MATK: variants seen among roughly 807,000 people sequenced by gnomAD.
The protein encoded by MATK is megakaryocyte-associated tyrosine-protein kinase.
Under a neutral mutation model 59.8 loss-of-function variants are expected in MATK, and 41 were observed. The ratio of observed to expected loss-of-function variants is 0.69; its 90% CI spans 0.53 to 0.89. The LOEUF (loss-of-function observed/expected upper bound fraction) is 0.89, where lower values mean the gene tolerates loss of function less well. MATK is among the 40% of genes least tolerant of loss of function. The pLI is 0.00. For synonymous variants in MATK, 308 were observed against 306.1 expected (o/e 1.01, Z -0.06); for missense variants, 593 against 719.6 (o/e 0.82, Z 2.01).
intron 7 of MATK, 95 bp downstream of exon 7, chr19:3,783,031 A>T: frequency 9.1e-7 from 1 of 1,103,736 alleles, no homozygotes; most frequent in South Asian, 1.3e-5. Flanking sequence ...GGCTTGGGTG[A>T]TCTGGCCTCA....
upstream of MATK, among the ~76,000 whole-genome samples, chr19:3,786,610 G>A (rs2037489508): frequency 6.6e-6 from 1 of 151,456 alleles, no homozygotes; most frequent in South Asian, 2.1e-4. This position sits in a 1 kb window ranked among gnomAD's most constrained non-coding sequence, Gnocchi z 4.1. Flanking sequence ...GGGGGTGAGG[G>A]AGAGTGAGCT....
At chr19:3,783,022 G>C in intron 7 of MATK, 104 bp downstream of exon 7, 4 of 1,010,124 alleles carry the variant, frequency 4.0e-6, no homozygotes, top group South Asian at 1.4e-5. Context: ...ATGGAGACAG[G>C]CTTGGGTGAT....
Position 3,784,435 on chromosome 19 carries a change from C to T in MATK, c.149G>A (p.Gly50Asp). 6.3e-7 allele frequency: 1 copy of T among 1,598,360 alleles called. No individual in the cohort carries two copies. Among genetic ancestry groups the T allele is most frequent in the Non-Finnish European group, 8.5e-7 (1 of 1,175,410 alleles). The stretch of plus-strand genomic sequence containing the variant: ...CTCGCATTTGGTGATACACTGGGTG[C>T]CCGGGGCCCAGCGCCTCTGCAGAGG... Reference protein sequence around the residue: ...ARMPTRRWAPGTQCITKCEHT... With the variant: ...ARMPTRRWAPDTQCITKCEHT... The change falls in exon 4 of 14, where the codon GGC becomes GAC. Residue 50 changes from glycine to aspartate, a missense_variant. By Grantham distance (94) the Gly-to-Asp change is moderately conservative. Coordinates refer to ENST00000310132, the MANE Select transcript of MATK (RefSeq NM_139355.3).
chr19:3,778,482 C>G (rs1315494770), intron 13 of MATK, 27 bp downstream of exon 13: 1 of 1,613,834 alleles, frequency 6.2e-7, no homozygotes, highest in Non-Finnish European at 8.5e-7. Flanking sequence ...GCCCGGAACC[C>G]AGTGCCTCCC....
chr19:3,783,020 A>G, intron 7 of MATK, 106 bp downstream of exon 7: 1 of 977,394 alleles, frequency 1.0e-6, no homozygotes, highest in Non-Finnish European at 1.6e-6. Context: ...GCATGGAGAC[A>G]GGCTTGGGTG....
upstream of MATK, among the ~76,000 whole-genome samples, chr19:3,789,633 T>C (rs1403032679): frequency 1.3e-5 from 2 of 151,470 alleles, no homozygotes; most frequent in Admixed American, 1.3e-4. Flanking sequence ...TCTAGGGGGA[T>C]AGATTTGAGC....
intron 11 of MATK, 61 bp downstream of exon 11, chr19:3,779,317 G>A (rs2037363725): frequency 6.3e-7 from 1 of 1,593,124 alleles, no homozygotes; most frequent in Non-Finnish European, 8.6e-7. Flanking sequence ...TCCCCTTGAT[G>A]GATCTTGGAA....
upstream of MATK, among the ~76,000 whole-genome samples, chr19:3,786,741 G>A (rs1439991285): frequency 1.3e-5 from 2 of 152,048 alleles, no homozygotes; most frequent in African/African-American, 4.8e-5. This position sits in a 1 kb window ranked among gnomAD's most constrained non-coding sequence, Gnocchi z 4.1. Context: ...AGGGCTATTG[G>A]TGGTTGACAA....
Position 3,785,378 on chromosome 19 carries a change from G to C in MATK, c.-151-92C>G, listed in dbSNP as rs984721697. 6.8e-6 allele frequency: 6 copies of C among 876,818 alleles called. No individual in the cohort carries two copies. The African/African-American group carries it at 1.0e-4, about 15-fold the overall frequency. 54.3% of individuals were successfully genotyped at this position (876,818 alleles called of 1,614,324 possible). A position where few individuals can be genotyped will look rare whatever the true frequency, so the allele number is the denominator to read the frequency against. ...ACCGTGGGGTGGAGCTGGGGGCAGGGGCGGGTCCTGTAGCCCTGCTGGGCT... is the reference window on the plus strand; with the variant it reads ...ACCGTGGGGTGGAGCTGGGGGCAGGCGCGGGTCCTGTAGCCCTGCTGGGCT... On this transcript the variant is annotated intron_variant, in intron 1 of 13. Coordinates refer to ENST00000310132, the MANE Select transcript of MATK (RefSeq NM_139355.3).
chr19:3,788,096 AT>A (rs57248510), upstream of MATK, among the ~76,000 whole-genome samples: 5,762 of 120,842 alleles, frequency 0.048, 260 homozygotes, highest in East Asian at 0.24. Flanking sequence ...TATTATTAAT[AT>A]TTATATTATA....
Position 3,783,943 on chromosome 19 carries a change from G to C in MATK, c.453C>G (p.Arg151=). The C allele has an allele frequency of 1.2e-6, 2 of 1,612,576 alleles. No homozygotes were observed. Among genetic ancestry groups the C allele is most frequent in the Non-Finnish European group, 1.7e-6 (2 of 1,179,762 alleles). The change falls in exon 6 of 14, where the codon CGC becomes CGG. Residue 151 remains arginine, a synonymous_variant. Transcript: ENST00000310132. ...DGLFLVRESA[R]HPGDYVLCVS... Reference sequence around the variant, plus strand: ...CGCACAGGACGTAGTCGCCGGGGTGGCGCGCGGACTCCCGCACCAGGAACA... The same window carrying C: ...CGCACAGGACGTAGTCGCCGGGGTGCCGCGCGGACTCCCGCACCAGGAACA...
At chr19:3,781,423 CTCA>C (rs2037400167) in intron 8 of MATK, among the ~76,000 whole-genome samples, 181 bp downstream of exon 8, 1 of 152,184 alleles carries the variant, frequency 6.6e-6, no homozygotes. Context: ...TCACTTACTC[CTCA>C]TGACAGCTGC....
At chr19:3,778,887 G>A in intron 12 of MATK, 105 bp downstream of exon 12, 2 of 1,175,666 alleles carry the variant, frequency 1.7e-6, no homozygotes, top group South Asian at 3.2e-5. Context: ...GGGAGGCATA[G>A]CCATTGCCCT....
At chr19:3,786,867 C>A (rs191491865), upstream of MATK, among the ~76,000 whole-genome samples, 73 of 152,288 alleles carry the variant, frequency 4.8e-4, no homozygotes, top group Admixed American at 4.0e-3. The surrounding 1 kb of genome is among the most constrained non-coding windows in gnomAD (Gnocchi z 4.1). Flanking sequence ...ATGCAAACTT[C>A]TTAGAGCTGC....
chr19:3,779,182 A>G lies in MATK; in HGVS notation c.1007T>C (p.Val336Ala), dbSNP rs1229084484. 23 of 1,587,526 alleles carry G rather than the reference A, an allele frequency of 1.4e-5. No individual in the cohort carries two copies. The highest frequency in any genetic ancestry group is 1.8e-5 in the Non-Finnish European group (21 of 1,166,094). The change falls in exon 12 of 14, where the codon GTG (valine) becomes GCG (alanine). Residue 336 changes from valine (V) to alanine (A), a missense_variant. Physicochemically the swap from Val to Ala is moderately conservative, Grantham distance 64. Transcript: ENST00000310132. ...TAQLLQFSLHVAEGMEYLESK... is the reference protein window; with the variant it reads ...TAQLLQFSLHAAEGMEYLESK... ...CTCCAGGTACTCCATGCCCTCGGCC[A>G]CGTGCCTGGGGGTAGTAGGGGGCAG...
At chr19:3,801,150 G>A (rs2145120473) in intron 1 of MATK, among the ~76,000 whole-genome samples, 2 of 152,288 alleles carry the variant, frequency 1.3e-5, no homozygotes, top group South Asian at 4.2e-4. Flanking sequence ...GCTTCCTAAT[G>A]CATTTCGTTT....
chr19:3,793,108 G>C (rs1335058018), intron 1 of MATK: 3 of 152,240 alleles, frequency 2.0e-5, no homozygotes, highest in Non-Finnish European at 2.9e-5. Flanking sequence ...GGCCATTCTC[G>C]ATTCCTTGAA....
At chr19:3,786,674 C>G (rs2037490077), upstream of MATK, among the ~76,000 whole-genome samples, 1 of 151,964 alleles carries the variant, frequency 6.6e-6, no homozygotes, top group African/African-American at 2.4e-5. The surrounding 1 kb of genome is among the most constrained non-coding windows in gnomAD (Gnocchi z 4.1). Context: ...GAGGACACTT[C>G]GTACTCTGCA....
intron 1 of MATK, among the ~76,000 whole-genome samples, chr19:3,797,519 C>A (rs2037607240): frequency 6.6e-6 from 1 of 151,814 alleles, no homozygotes; most frequent in Admixed American, 6.6e-5. Context: ...CTCCTGAGCT[C>A]AAACAATCTG....
Sources: gnomAD v4.1 joint callset for allele counts (sites outside exome capture counted in the v4.1 genomes callset) on GRCh38, gnomAD v4.1.1 for gene constraint, Gnocchi (gnomAD v3.1) non-coding constraint, MANE v1.5 for transcripts, NCBI Gene and HGNC (gene_info 2026-07-23, HGNC 2026-07-21) for gene names.